The following REDIC1 variants were observed in gnomAD, a reference collection of about 807,000 sequenced individuals.
The protein encoded by REDIC1 is regulator of DNA class I crossover intermediates 1.
chr12:39,669,588 A>G, the REDIC1 span, among the ~76,000 whole-genome samples: 2 of 152,242 alleles, frequency 1.3e-5, no homozygotes, highest in Non-Finnish European at 2.9e-5. Flanking sequence ...GCTGTCAGAC[A>G]GGGACATTTA....
At chr12:39,893,712 T>C in the REDIC1 span, among the ~76,000 whole-genome samples, 1 of 152,218 alleles carries the variant, frequency 6.6e-6, no homozygotes, top group East Asian at 1.9e-4. Flanking sequence ...ATGTGCTTTT[T>C]CTGGAGTGTG....
the REDIC1 span, among the ~76,000 whole-genome samples, chr12:39,657,024 G>GT: frequency 2.6e-5 from 4 of 152,106 alleles, no homozygotes; most frequent in African/African-American, 9.7e-5. Flanking sequence ...TTAGTGAAGC[G>GT]TAAGTGTAGA....
chr12:39,725,595 C>CTCTCATTTCCTT, the REDIC1 span, among the ~76,000 whole-genome samples: 1 of 152,008 alleles, frequency 6.6e-6, no homozygotes, highest in Admixed American at 6.6e-5. Flanking sequence ...TCAAGAGGTA[C>CTCTCATTTCCTT]CACGTGTTCT....
the REDIC1 span, among the ~76,000 whole-genome samples, chr12:39,902,550 G>C: frequency 6.6e-6 from 1 of 151,886 alleles, no homozygotes; most frequent in South Asian, 2.1e-4. Context: ...GCACTACCAG[G>C]TGTACTAAAA....
the REDIC1 span, among the ~76,000 whole-genome samples, chr12:39,714,329 G>A: frequency 2.7e-5 from 4 of 147,838 alleles, 2 homozygotes; most frequent in Non-Finnish European, 6.0e-5. Flanking sequence ...AGGCATATAT[G>A]TATATATGTC....
the REDIC1 span, among the ~76,000 whole-genome samples, chr12:39,831,187 T>C: frequency 6.6e-6 from 1 of 152,112 alleles, no homozygotes; most frequent in South Asian, 2.1e-4. Flanking sequence ...GAGAAACAGA[T>C]GAACAACGAC....
At chr12:39,741,358 A>G in the REDIC1 span, among the ~76,000 whole-genome samples, 1 of 152,336 alleles carries the variant, frequency 6.6e-6, no homozygotes, top group South Asian at 2.1e-4. Flanking sequence ...GAATATCGAT[A>G]GACTTCAACC....
the REDIC1 span, among the ~76,000 whole-genome samples, chr12:39,702,289 G>A: frequency 3.9e-5 from 6 of 152,142 alleles, no homozygotes; most frequent in Admixed American, 6.5e-5. Context: ...ACTACCATCA[G>A]AGAATACTAC....
At chr12:39,728,478 G>A in the REDIC1 span, among the ~76,000 whole-genome samples, 1 of 152,160 alleles carries the variant, frequency 6.6e-6, no homozygotes, top group East Asian at 1.9e-4. Flanking sequence ...AACCAGCCTT[G>A]CATCTCAGGG....
chr12:39,652,300 T>TA, the REDIC1 span, among the ~76,000 whole-genome samples: 1 of 152,106 alleles, frequency 6.6e-6, no homozygotes, highest in African/African-American at 2.4e-5. Context: ...TGTTTAAGTT[T>TA]AAAAAAACTA....
the REDIC1 span, among the ~76,000 whole-genome samples, chr12:39,724,454 C>T: frequency 6.6e-6 from 1 of 152,204 alleles, no homozygotes; most frequent in African/African-American, 2.4e-5. Context: ...ACAATGGTAA[C>T]TTGCTTAATA....
the REDIC1 span, among the ~76,000 whole-genome samples, chr12:39,712,125 C>CATACTT: frequency 7.9e-6 from 1 of 126,448 alleles, no homozygotes; most frequent in Non-Finnish European, 1.7e-5. Flanking sequence ...TGTATATATA[C>CATACTT]CTGTATGTAC....
chr12:39,884,615 C>A, the REDIC1 span, among the ~76,000 whole-genome samples: 2 of 152,116 alleles, frequency 1.3e-5, no homozygotes, highest in Non-Finnish European at 2.9e-5. Flanking sequence ...TATCTGGGGA[C>A]TGTTCAGGGA....
chr12:39,693,545 T>G, the REDIC1 span, among the ~76,000 whole-genome samples: 1 of 152,052 alleles, frequency 6.6e-6, no homozygotes, highest in African/African-American at 2.4e-5. Context: ...AAATGTAATA[T>G]AGAATATTTT....
the REDIC1 span, among the ~76,000 whole-genome samples, chr12:39,761,947 T>C: frequency 6.6e-6 from 1 of 152,100 alleles, no homozygotes; most frequent in African/African-American, 2.4e-5. Context: ...AGCGCTAAAC[T>C]CACTCCTATA....
At chr12:39,683,005 A>G in the REDIC1 span, 1 of 1,613,390 alleles carries the variant, frequency 6.2e-7, no homozygotes. Flanking sequence ...TAGTAATTCG[A>G]CTTTGAATAA....
chr12:39,823,618 A>ATATTAT, the REDIC1 span, among the ~76,000 whole-genome samples: 2 of 151,550 alleles, frequency 1.3e-5, no homozygotes, highest in African/African-American at 2.4e-5. Flanking sequence ...GATGATGATG[A>ATATTAT]TATTATTATT....
the REDIC1 span, among the ~76,000 whole-genome samples, chr12:39,789,118 A>G: frequency 6.6e-6 from 1 of 152,138 alleles, no homozygotes; most frequent in African/African-American, 2.4e-5. Flanking sequence ...CTATATCATT[A>G]TCAGATTTTA....
chr12:39,668,227 T>G, the REDIC1 span, among the ~76,000 whole-genome samples: 11 of 152,248 alleles, frequency 7.2e-5, no homozygotes, highest in Admixed American at 4.6e-4. Flanking sequence ...TCCATGTTTA[T>G]TGCTTCCTTC....
Sources: gnomAD v4.1 joint callset for allele counts (sites outside exome capture counted in the v4.1 genomes callset) on GRCh38, gnomAD v4.1.1 for gene constraint, MANE v1.5 for transcripts, NCBI Gene and HGNC (gene_info 2026-07-23, HGNC 2026-07-21) for gene names.